The following KTN1 variants were observed in gnomAD, a reference collection of about 807,000 sequenced individuals.
KTN1 encodes the protein kinectin 1.
A neutral mutation model predicts 222.5 loss-of-function variants in KTN1; 130 were observed. The ratio of observed to expected loss-of-function variants is 0.58; its 90% CI spans 0.51 to 0.68. KTN1 has a LOEUF of 0.68. Ranked by LOEUF, KTN1 falls within the 30% of genes least tolerant of loss-of-function variation. KTN1 has a pLI of 0.00. For missense variants in KTN1, 1,508 were observed against 1,500.4 expected (o/e 1.01, Z -0.08); for synonymous variants, 512 against 496.3 (o/e 1.03, Z -0.42).
At chr14:55,591,581 CT>C (rs71131297) in intron 1 of KTN1, among the ~76,000 whole-genome samples, 13,054 of 87,038 alleles carry the variant, frequency 0.15, 272 homozygotes, top group East Asian at 0.22. Context: ...TTCTCTCTTT[CT>C]TTTTTTTTTT....
intron 2 of KTN1, 126 bp downstream of exon 2, chr14:55,612,697 T>A: frequency 1.2e-6 from 1 of 804,016 alleles, no homozygotes; most frequent in Non-Finnish European, 1.9e-6. Flanking sequence ...TTCATTTCAT[T>A]ATGTGTTTGC....
At chr14:55,592,757 C>G (rs2034360386) in intron 1 of KTN1, among the ~76,000 whole-genome samples, 1 of 152,160 alleles carries the variant, frequency 6.6e-6, no homozygotes, top group Non-Finnish European at 1.5e-5. Context: ...TTGTTTTGCA[C>G]ATATATTGTG....
chr14:55,619,927 A>T (rs572880649), intron 5 of KTN1, among the ~76,000 whole-genome samples: 29 of 152,300 alleles, frequency 1.9e-4, no homozygotes, highest in African/African-American at 6.3e-4. Flanking sequence ...TTAATTCAAA[A>T]GTCCACAGTC....
intron 28 of KTN1, 47 bp from the exon 29 acceptor site, chr14:55,655,995 C>CT (rs1336184382): frequency 8.5e-7 from 1 of 1,174,436 alleles, no homozygotes; most frequent in African/African-American, 1.6e-5. Context: ...TCTGGTTTTC[C>CT]TTTTTTATGT....
In KTN1 at chr14:55,599,495, C is replaced by T. The variant is rs181905132; in HGVS notation, c.-30-12524C>T. On this transcript the variant is annotated intron_variant, in intron 1 of 43. Transcript: ENST00000395314. Reference sequence around the variant, plus strand: ...TTTTCTTTTTTTTGAGACAGAGTCTCGTTCTGTTGCCCAGGGCGGAGTGCA... The same window carrying T: ...TTTTCTTTTTTTTGAGACAGAGTCTTGTTCTGTTGCCCAGGGCGGAGTGCA... 4.6e-5 allele frequency among the ~76,000 whole-genome samples: 7 copies of T among 151,878 alleles called. No homozygotes were observed. The East Asian group carries it at 9.7e-4, about 21-fold the overall frequency.
chr14:55,657,915 T>C (rs1046992454), intron 29 of KTN1, among the ~76,000 whole-genome samples: 30 of 147,734 alleles, frequency 2.0e-4, no homozygotes, highest in Non-Finnish European at 4.2e-4. Flanking sequence ...CTGCCATCTT[T>C]AAAAAAAAAA....
intron 18 of KTN1, among the ~76,000 whole-genome samples, chr14:55,643,948 A>G (rs1430635716): frequency 6.6e-6 from 1 of 152,204 alleles, no homozygotes; most frequent in Non-Finnish European, 1.5e-5. Flanking sequence ...AAAATTTTAT[A>G]GCCACATTTT....
intron 21 of KTN1, among the ~76,000 whole-genome samples, 154 bp downstream of exon 21, chr14:55,649,024 C>T (rs931753996): frequency 3.3e-5 from 5 of 152,146 alleles, no homozygotes; most frequent in African/African-American, 9.7e-5. Context: ...CTCCTGGGCT[C>T]AACCGATAAC....
At chr14:55,633,554 T>G (rs2040770518) in intron 8 of KTN1, among the ~76,000 whole-genome samples, 1 of 151,558 alleles carries the variant, frequency 6.6e-6, no homozygotes, top group Non-Finnish European at 1.5e-5. Flanking sequence ...TGTCATACTA[T>G]TATATACTTA....
At chr14:55,609,567 T>G (rs1474593086) in intron 1 of KTN1, among the ~76,000 whole-genome samples, 1 of 152,230 alleles carries the variant, frequency 6.6e-6, no homozygotes, top group Non-Finnish European at 1.5e-5. Context: ...AATCAGTGTT[T>G]CAGAATTCTT....
intron 22 of KTN1, 121 bp downstream of exon 22, chr14:55,649,934 C>T: frequency 5.7e-6 from 3 of 529,486 alleles, no homozygotes; most frequent in Non-Finnish European, 9.7e-6. Context: ...AACTTTCACT[C>T]TATAATTTTT....
intron 19 of KTN1, 129 bp downstream of exon 19, chr14:55,647,136 T>C (rs569777857): frequency 7.8e-6 from 5 of 644,208 alleles, no homozygotes; most frequent in South Asian, 1.9e-5. Context: ...GATTTGGGAT[T>C]ACATTACCGT....
At chr14:55,608,111 T>C (rs1035377064) in intron 1 of KTN1, among the ~76,000 whole-genome samples, 3 of 152,222 alleles carry the variant, frequency 2.0e-5, no homozygotes, top group Non-Finnish European at 4.4e-5. Context: ...TAAATTAACT[T>C]TGTCTCAACC....
At chr14:55,639,139 G>A (rs1386003156) in intron 12 of KTN1, 46 bp from the exon 13 acceptor site, 1 of 1,305,458 alleles carries the variant, frequency 7.7e-7, no homozygotes, top group African/African-American at 1.5e-5. Context: ...TAGCTATAAA[G>A]CTTTCTCTTA....
chr14:55,668,701 C>G (rs1455593307), intron 34 of KTN1: 18 of 152,118 alleles, frequency 1.2e-4, no homozygotes, highest in Admixed American at 4.6e-4. Context: ...AGCTTCTATG[C>G]TTTGTGGTAT....
At position 55,637,182 on chromosome 14, in the gene KTN1, T is replaced by G. The variant is rs199634030; in HGVS notation, c.1550-16T>G. 2,607 of 1,563,878 alleles carry G rather than the reference T, an allele frequency of 1.7e-3. 12 individuals are homozygous for G. Among genetic ancestry groups the G allele is most frequent in the Non-Finnish European group, 1.7e-3 (1,966 of 1,146,672 alleles). On this transcript the variant is annotated splice_polypyrimidine_tract_variant and intron_variant, in intron 10 of 43. Coordinates refer to ENST00000395314, the MANE Select transcript of KTN1 (RefSeq NM_001079521.2). ...CAAAGAAAGAGACCTCTGTAAAATG[T>G]AATGTTTTATTACAGATTTACAGAG...
At chr14:55,599,071 CT>C (rs1164503574) in intron 1 of KTN1, among the ~76,000 whole-genome samples, 7 of 152,080 alleles carry the variant, frequency 4.6e-5, no homozygotes, top group Non-Finnish European at 1.0e-4. Flanking sequence ...GATAATTCAA[CT>C]TTATATAGTT....
chr14:55,584,524 G>GGCTTGTT (rs1264453177), intron 1 of KTN1, among the ~76,000 whole-genome samples: 1 of 152,196 alleles, frequency 6.6e-6, no homozygotes, highest in African/African-American at 2.4e-5. Flanking sequence ...ATACATGCAT[G>GGCTTGTT]GCTTGTTGTC....
intron 1 of KTN1, among the ~76,000 whole-genome samples, chr14:55,589,418 C>T (rs1566654726): frequency 6.6e-6 from 1 of 151,664 alleles, no homozygotes; most frequent in Non-Finnish European, 1.5e-5. Context: ...TGGGCTCAAG[C>T]GATTCTACTG....
Sources: gnomAD v4.1 joint callset for allele counts (sites outside exome capture counted in the v4.1 genomes callset) on GRCh38, gnomAD v4.1.1 for gene constraint, MANE v1.5 for transcripts, NCBI Gene and HGNC (gene_info 2026-07-23, HGNC 2026-07-21) for gene names.